The following KCNA2 variants were observed in gnomAD, a reference collection of about 807,000 sequenced individuals.
KCNA2 encodes potassium channel, voltage gated shaker related subfamily A, member 2.
KCNA2 carries 11 observed loss-of-function variants against 33.4 expected under a neutral mutation model. The ratio of observed to expected loss-of-function variants is 0.33; its 90% CI spans 0.21 to 0.55. KCNA2 has a LOEUF of 0.55. KCNA2 is among the 20% of genes least tolerant of loss of function. KCNA2 has a pLI of 0.93. For synonymous variants in KCNA2, 222 were observed against 231.3 expected, an observed-to-expected ratio of 0.96 and a Z score of 0.37; for missense variants, 291 against 621.6, an observed-to-expected ratio of 0.47 and a Z score of 5.66.
At chr1:110,614,033 A>G (rs1385910536) in intron 1 of KCNA2, among the ~76,000 whole-genome samples, 1 of 152,162 alleles carries the variant, frequency 6.6e-6, no homozygotes, top group Non-Finnish European at 1.5e-5. Flanking sequence ...CCTTTTGTGG[A>G]CCTGGAATTA....
Position 110,596,662 on chromosome 1 carries a change from T to TA in KCNA2, c.*6620dup. On this transcript the variant is annotated 3_prime_UTR_variant, in exon 3 of 3. Transcript: ENST00000316361. ...GTTATCTTCAAACACTCTACTTAAC[T>TA]AAGGCAGGAAAGTTATGCTAACCTA... The TA allele has an allele frequency of 1.1e-6, 1 of 885,388 alleles. No individual in the cohort carries two copies. The highest frequency in any genetic ancestry group is 1.4e-6 in the Non-Finnish European group (1 of 738,730). The allele number at this position is 885,388 out of a possible 1,614,324, so 54.8% of individuals were successfully genotyped here. A position where few individuals can be genotyped will look rare whatever the true frequency, so the allele number is the denominator to read the frequency against.
chr1:110,597,471 G>A lies in KCNA2; in HGVS notation c.*5812C>T, dbSNP rs1208140269. The A allele has an allele frequency of 1.0e-6, 1 of 985,444 alleles. No individual in the cohort carries two copies. The highest frequency in any genetic ancestry group is 1.2e-6 in the Non-Finnish European group (1 of 829,938). 61.0% of individuals were successfully genotyped at this position (985,444 alleles called of 1,614,324 possible). On this transcript the variant is annotated 3_prime_UTR_variant, in exon 3 of 3. Coordinates refer to ENST00000316361, the MANE Select transcript of KCNA2 (RefSeq NM_004974.4). Reference sequence around the variant, plus strand: ...ATGCTGTATGACAGCAGGCAGAAATGGGGAGACAGAGGGAGAGGGGACAGA... The same window carrying A: ...ATGCTGTATGACAGCAGGCAGAAATAGGGAGACAGAGGGAGAGGGGACAGA...
chr1:110,618,327 G>C (rs769036150), intron 1 of KCNA2, among the ~76,000 whole-genome samples: 6 of 152,222 alleles, frequency 3.9e-5, no homozygotes, highest in African/African-American at 1.4e-4. Flanking sequence ...TGGCTGACAT[G>C]TGAGTGACCT....
In KCNA2 at chr1:110,614,068, C is replaced by A. The variant is rs969933124; in HGVS notation, c.-495-8346G>T. Among the ~76,000 whole-genome samples, 8 of 152,182 alleles carry A rather than the reference C, an allele frequency of 5.3e-5. 1 individual carries two copies. Among genetic ancestry groups the A allele is most frequent in the Admixed American group, 5.2e-4 (8 of 15,280 alleles). ...ATCCTTCTTGAAGCTTTCACTCAGG[C>A]GTCCCACCTGTGGCCATAGAGAGCA... is the stretch of plus-strand genomic sequence containing the variant. On this transcript the variant is annotated intron_variant, in intron 1 of 4. Transcript: ENST00000369770.
chr1:110,616,818 C>T (rs551000292), intron 1 of KCNA2, among the ~76,000 whole-genome samples: 9 of 152,328 alleles, frequency 5.9e-5, no homozygotes, highest in African/African-American at 1.4e-4. Context: ...ACACACAGAG[C>T]GTGGCACAGA....
chr1:110,628,540 C>A (rs547420032), intron 1 of KCNA2, among the ~76,000 whole-genome samples: 1 of 152,260 alleles, frequency 6.6e-6, no homozygotes, highest in African/African-American at 2.4e-5. Flanking sequence ...CTGGGAACTC[C>A]TTGAGAGCAG....
At chr1:110,624,245 T>C (rs1348123643) in intron 1 of KCNA2, among the ~76,000 whole-genome samples, 1 of 152,254 alleles carries the variant, frequency 6.6e-6, no homozygotes, top group Non-Finnish European at 1.5e-5. Flanking sequence ...GGAATCCAAA[T>C]GTCCACCAAC....
intron 1 of KCNA2, among the ~76,000 whole-genome samples, chr1:110,618,161 G>A (rs1170693691): frequency 6.6e-6 from 1 of 152,212 alleles, no homozygotes; most frequent in African/African-American, 2.4e-5. Flanking sequence ...GTGCAACATA[G>A]TGAGACCCTG....
In KCNA2 at chr1:110,601,232, C is replaced by T; in HGVS notation, c.*2051G>A. On this transcript the variant is annotated 3_prime_UTR_variant, in exon 3 of 3. Coordinates refer to ENST00000316361, the MANE Select transcript of KCNA2 (RefSeq NM_004974.4). ...GGAGATCAAAATGATGCCTTTGGAT[C>T]ATCTAGGGACTCCATCACTTAGTCC... 3.0e-6 allele frequency: 3 copies of T among 985,338 alleles called. No homozygotes were observed. Among genetic ancestry groups the T allele is most frequent in the Non-Finnish European group, 3.6e-6 (3 of 829,910 alleles). 61.0% of individuals were successfully genotyped at this position (985,338 alleles called of 1,614,324 possible).
In KCNA2 at chr1:110,603,991, G is replaced by T. The variant is rs200005187; in HGVS notation, c.792C>A (p.Ile264=). ...CTGTCCCCAGGGTGATGAAGTAGGG[G>T]ATGATGGCCACAATGTCAATGATGT... The part of the protein sequence containing the change: ...IMNIIDIVAI[I]PYFITLGTEL... Residue 264 remains isoleucine, a synonymous_variant, in exon 3 of 3, where the codon ATC becomes ATA. Transcript: ENST00000316361. The surrounding 1 kb of genome is among the most constrained non-coding windows in gnomAD (Gnocchi z 5.7). 1.9e-6 allele frequency: 3 copies of T among 1,614,102 alleles called. 1 individual carries two copies. The Admixed American group carries it at 5.0e-5, about 27-fold the overall frequency.
At position 110,603,343 on chromosome 1, in the gene KCNA2, G is replaced by A; in HGVS notation, c.1440C>T (p.Ala480=). ...EDFREENLKT[A]NCTLANTNYV... ...AGTTTGTGTTAGCCAAGGTACAGTT[G>A]GCTGTTTTCAAGTTTTCCTCTCTAA... The change falls in exon 3 of 3, where the codon GCC becomes GCT. Residue 480 remains alanine (A), a synonymous_variant. Coordinates refer to ENST00000316361, the MANE Select transcript of KCNA2 (RefSeq NM_004974.4). This position sits in a 1 kb window ranked among gnomAD's most constrained non-coding sequence, Gnocchi z 5.7. The A allele has an allele frequency of 6.2e-7, 1 of 1,613,734 alleles. No homozygotes were observed. The highest frequency in any genetic ancestry group is 1.1e-5 in the South Asian group (1 of 90,906).
In KCNA2 at chr1:110,594,936, G is replaced by A. The variant is rs912664061; in HGVS notation, c.*8347C>T. The A allele has an allele frequency of 1.1e-5, 11 of 985,292 alleles. No homozygotes were observed. The highest frequency in any genetic ancestry group is 1.1e-4 in the East Asian group (1 of 8,832). The allele number at this position is 985,292 out of a possible 1,614,324, so 61.0% of individuals were successfully genotyped here. A position where few individuals can be genotyped will look rare whatever the true frequency, so the allele number is the denominator to read the frequency against. ...TGGAAATTGTTTGGTAGCAAAGTGC[G>A]CCCCTGAATATTCTCTTCCTCCCAG... On this transcript the variant is annotated 3_prime_UTR_variant, in exon 3 of 3. Transcript: ENST00000316361.
At position 110,597,334 on chromosome 1, in the gene KCNA2, G is replaced by A; in HGVS notation, c.*5949C>T. 1 of 985,054 alleles carries A rather than the reference G, an allele frequency of 1.0e-6. No homozygotes were observed. Among genetic ancestry groups the A allele is most frequent in the Non-Finnish European group, 1.2e-6 (1 of 829,708 alleles). 61.0% of individuals were successfully genotyped at this position (985,054 alleles called of 1,614,324 possible). ...CAGGATGCTTTATTCTTATCTATTG[G>A]GAAGTGCTTTCGTGTAGGCTTCCAT... On this transcript the variant is annotated 3_prime_UTR_variant, in exon 3 of 3. Transcript: ENST00000316361.
chr1:110,619,080 C>T (rs1434523067), intron 1 of KCNA2, among the ~76,000 whole-genome samples: 1 of 152,200 alleles, frequency 6.6e-6, no homozygotes, highest in Admixed American at 6.5e-5. Flanking sequence ...TACCGTCTGT[C>T]CCCTGGACAC....
Position 110,595,796 on chromosome 1 carries a change from C to T in KCNA2, c.*7487G>A, listed in dbSNP as rs1054855438. The T allele has an allele frequency of 2.0e-5, 20 of 985,300 alleles. No homozygotes were observed. In the African/African-American group the frequency reaches 3.5e-4, roughly 17 times the overall value. The allele number at this position is 985,300 out of a possible 1,614,324, so 61.0% of individuals were successfully genotyped here. ...TAGTTCCATTGATTGCCACAAACCT[C>T]ACCTTCTGTGTGGCAGAGATGTGCT... On this transcript the variant is annotated 3_prime_UTR_variant, in exon 3 of 3. Transcript: ENST00000316361.
chr1:110,617,975 T>C (rs1650122087), intron 1 of KCNA2, among the ~76,000 whole-genome samples: 1 of 151,990 alleles, frequency 6.6e-6, no homozygotes, highest in African/African-American at 2.4e-5. Flanking sequence ...TTGAAAGTCA[T>C]CATCATGGAG....
In KCNA2 at chr1:110,602,163, C is replaced by T. The variant is rs1178886138; in HGVS notation, c.*1120G>A. 3.2e-6 allele frequency: 5 copies of T among 1,550,320 alleles called. No homozygotes were observed. Among genetic ancestry groups the T allele is most frequent in the Non-Finnish European group, 4.4e-6 (5 of 1,146,988 alleles). On this transcript the variant is annotated 3_prime_UTR_variant, in exon 3 of 3. Coordinates refer to ENST00000316361, the MANE Select transcript of KCNA2 (RefSeq NM_004974.4). ...CTTACTCTTCTGGCTTTGCAGAGGT[C>T]TGCGTTCCTGTTTAGAAGAACAGGG... is the stretch of plus-strand genomic sequence containing the variant.
chr1:110,613,726 G>T (rs1195658649), intron 1 of KCNA2, among the ~76,000 whole-genome samples: 3 of 152,274 alleles, frequency 2.0e-5, no homozygotes, highest in South Asian at 2.1e-4. Context: ...AGAGCTGGTG[G>T]CTCCCTCTCT....
upstream of KCNA2, chr1:110,606,864 G>A (rs548878875): frequency 6.6e-6 from 1 of 152,446 alleles, no homozygotes; most frequent in South Asian, 2.1e-4. Flanking sequence ...GTTATTCTGT[G>A]CCGAAGAGGC....
Sources: gnomAD v4.1 joint callset for allele counts (sites outside exome capture counted in the v4.1 genomes callset) on GRCh38, gnomAD v4.1.1 for gene constraint, Gnocchi (gnomAD v3.1) non-coding constraint, MANE v1.5 for transcripts, NCBI Gene and HGNC (gene_info 2026-07-23, HGNC 2026-07-21) for gene names.